PDP2: variants seen among roughly 807,000 people sequenced by gnomAD.
The protein encoded by PDP2 is pyruvate dehydrogenase phosphatase catalytic subunit 2.
PDP2 carries 23 observed loss-of-function variants against 34.2 expected under a neutral mutation model. The observed-to-expected ratio is 0.67, with a 90% CI of 0.48 to 0.95. The LOEUF is 0.95. Among genes scored for constraint, PDP2 ranks in the 40% least tolerant of loss-of-function variants. PDP2 has a pLI of 0.00. For missense variants in PDP2, 571 were observed against 659.6 expected, an observed-to-expected ratio of 0.87 and a Z score of 1.47; for synonymous variants, 275 against 269.2, an observed-to-expected ratio of 1.02 and a Z score of -0.21.
rs551674140 is a variant in PDP2, at chr16:66,888,062, C to T, written c.*2188C>T. On this transcript the variant is annotated 3_prime_UTR_variant, in exon 2 of 2. Transcript: ENST00000311765. ...CCTTCCTTCCTTCCTTCCTTCCTCT[C>T]TCTCTCTTTCTTTCTTTCTTTCCTT... The T allele has an allele frequency of 6.3e-5, 8 of 126,118 alleles. No individual in the cohort carries two copies. The highest frequency in any genetic ancestry group is 3.5e-4 in the Admixed American group (4 of 11,396). 7.8% of individuals were successfully genotyped at this position (126,118 alleles called of 1,614,324 possible).
Position 66,885,685 on chromosome 16 carries a change from C to G in PDP2, c.1401C>G (p.Asp467Glu). The G allele has an allele frequency of 6.2e-7, 1 of 1,614,052 alleles. No homozygotes were observed. Among genetic ancestry groups the G allele is most frequent in the Non-Finnish European group, 8.5e-7 (1 of 1,180,002 alleles). ...QRKASGLHEA[D>E]QNAATRLIRH... ...AAGCCAGCGGGCTCCACGAGGCTGA[C>G]CAAAATGCAGCCACGCGGCTGATCA... is the stretch of plus-strand genomic sequence containing the variant. Residue 467 changes from aspartate to glutamate, a missense_variant, in exon 2 of 2, where the codon GAC becomes GAG. By Grantham distance (45) the Asp-to-Glu change is conservative. Transcript: ENST00000311765. This position sits in a 1 kb window ranked among gnomAD's most constrained non-coding sequence, Gnocchi z 4.6.
chr16:66,885,538 G>A lies in PDP2; in HGVS notation c.1254G>A (p.Leu418=), dbSNP rs1961721328. Residue 418 remains leucine, a synonymous_variant, in exon 2 of 2, where the codon CTG becomes CTA. Transcript: ENST00000311765. This position sits in a 1 kb window ranked among gnomAD's most constrained non-coding sequence, Gnocchi z 4.6. The part of the protein sequence containing the change: ...VLASDGLWDM[L]SNEDVVRLVV... ...CCTCAGATGGCCTGTGGGACATGCT[G>A]AGCAATGAGGACGTGGTAAGGCTGG... is the stretch of plus-strand genomic sequence containing the variant. 6.2e-7 allele frequency: 1 copy of A among 1,614,108 alleles called. No individual in the cohort carries two copies. Among genetic ancestry groups the A allele is most frequent in the African/African-American group, 1.3e-5 (1 of 75,032 alleles).
rs770320220 is a variant in PDP2, at chr16:66,885,056, C to T, written c.772C>T (p.Leu258=). 34 of 1,613,832 alleles carry T rather than the reference C, an allele frequency of 2.1e-5. No homozygotes were observed. The highest frequency in any genetic ancestry group is 2.8e-5 in the Non-Finnish European group (33 of 1,180,028). ...CCTGGAAGATGAGGTGACAAGGAACCTGTCACTCCAGGTTGCTTTCTCTGG... is the reference window on the plus strand; with the variant it reads ...CCTGGAAGATGAGGTGACAAGGAACTTGTCACTCCAGGTTGCTTTCTCTGG... ...APLEDEVTRN[L]SLQVAFSGAT... Residue 258 remains leucine (L), a synonymous_variant, in exon 2 of 2, where the codon CTG becomes TTG. Transcript: ENST00000311765. This position sits in a 1 kb window ranked among gnomAD's most constrained non-coding sequence, Gnocchi z 4.6.
chr16:66,886,229 T>G lies in PDP2; in HGVS notation c.*355T>G. Reference sequence around the variant, plus strand: ...ATCATGATTCTGAGAATAAAGAACTTCAGGAGCTTCTTAGGTCTTGCCACA... The same window carrying G: ...ATCATGATTCTGAGAATAAAGAACTGCAGGAGCTTCTTAGGTCTTGCCACA... On this transcript the variant is annotated 3_prime_UTR_variant, in exon 2 of 2. Transcript: ENST00000311765. 1 of 264,296 alleles carries G rather than the reference T, an allele frequency of 3.8e-6. No homozygotes were observed. Among genetic ancestry groups the G allele is most frequent in the Non-Finnish European group, 8.0e-6 (1 of 125,186 alleles). 16.4% of individuals were successfully genotyped at this position (264,296 alleles called of 1,614,324 possible).
chr16:66,881,032 T>G (rs1961492059), intron 1 of PDP2, among the ~76,000 whole-genome samples: 1 of 152,210 alleles, frequency 6.6e-6, no homozygotes, highest in Non-Finnish European at 1.5e-5. Flanking sequence ...GGCACCCAGC[T>G]GGGGTACGGC....
chr16:66,884,103 G>C (rs2145413443), intron 1 of PDP2, 128 bp from the exon 2 acceptor site: 1 of 471,264 alleles, frequency 2.1e-6, no homozygotes, highest in East Asian at 3.9e-5. Context: ...GAACCTGGGA[G>C]GCGGAGCTTG....
In PDP2 at chr16:66,886,012, A is replaced by C; in HGVS notation, c.*138A>C. ...GCTAAATAGACTAACAGGAGGAAAA[A>C]AACAAACAGCCTAGCTTTAAAAAAC... On this transcript the variant is annotated 3_prime_UTR_variant, in exon 2 of 2. Transcript: ENST00000311765. The C allele has an allele frequency of 1.3e-5, 11 of 824,248 alleles. No homozygotes were observed. Among genetic ancestry groups the C allele is most frequent in the Non-Finnish European group, 2.1e-5 (11 of 518,142 alleles). 51.1% of individuals were successfully genotyped at this position (824,248 alleles called of 1,614,324 possible). A position where few individuals can be genotyped will look rare whatever the true frequency, so the allele number is the denominator to read the frequency against.
rs1358622520 is a variant in PDP2 at position 66,889,340 on chromosome 16, G to T, written c.*3466G>T. 1 of 151,958 alleles carries T rather than the reference G, an allele frequency of 6.6e-6. No homozygotes were observed. Among genetic ancestry groups the T allele is most frequent in the Non-Finnish European group, 1.5e-5 (1 of 67,998 alleles). 9.4% of individuals were successfully genotyped at this position (151,958 alleles called of 1,614,324 possible). ...TTTTTTGAGACAGTCTCACTCAGTC[G>T]CCCAGGCTGAAGTGCAGTGACACAG... On this transcript the variant is annotated 3_prime_UTR_variant, in exon 2 of 2. Transcript: ENST00000311765.
chr16:66,886,427 T>A lies in PDP2; in HGVS notation c.*553T>A, dbSNP rs531026993. 3.6e-5 allele frequency: 14 copies of A among 391,648 alleles called. No homozygotes were observed. Among genetic ancestry groups the A allele is most frequent in the Non-Finnish European group, 6.1e-5 (11 of 180,654 alleles). 24.3% of individuals were successfully genotyped at this position (391,648 alleles called of 1,614,324 possible). A position where few individuals can be genotyped will look rare whatever the true frequency, so the allele number is the denominator to read the frequency against. ...TAACTTTTTTTTTTGTGATTATGCT[T>A]GTGAGAAATTTTGTAATACTACATT... On this transcript the variant is annotated 3_prime_UTR_variant, in exon 2 of 2. Transcript: ENST00000311765.
Position 66,884,867 on chromosome 16 carries a change from G to C in PDP2, c.583G>C (p.Asp195His). ...PILHWLKHPG[D>H]SIYKDVTSVH... The stretch of plus-strand genomic sequence containing the variant: ...CCTGCATTGGCTCAAGCACCCAGGG[G>C]ACAGTATCTACAAGGATGTCACATC... Residue 195 changes from aspartate (D) to histidine (H), a missense_variant, in exon 2 of 2, where the codon GAC becomes CAC. Asp to His is a moderately conservative substitution (Grantham distance 81, BLOSUM62 -1). Coordinates refer to ENST00000311765, the MANE Select transcript of PDP2 (RefSeq NM_020786.4). 1 of 1,614,066 alleles carries C rather than the reference G, an allele frequency of 6.2e-7. No homozygotes were observed. The highest frequency in any genetic ancestry group is 8.5e-7 in the Non-Finnish European group (1 of 1,179,980).
chr16:66,884,190 A>AAG, intron 1 of PDP2, 41 bp from the exon 2 acceptor site: 1 of 1,238,830 alleles, frequency 8.1e-7, no homozygotes, highest in South Asian at 1.6e-5. Context: ...AAAAAAAAAA[A>AAG]AAAGAAATTA....
rs758366996 is a variant in PDP2 at position 66,885,889 on chromosome 16, A to G, written c.*15A>G. On this transcript the variant is annotated 3_prime_UTR_variant, in exon 2 of 2. Transcript: ENST00000311765. The surrounding 1 kb of genome is among the most constrained non-coding windows in gnomAD (Gnocchi z 4.6). ...AGGGGGGTTAAGAATCTCCCATCCT[A>G]TTGTCAAGGTTAACATAAATGCTCT... 1.9e-6 allele frequency: 3 copies of G among 1,579,976 alleles called. No homozygotes were observed. Among genetic ancestry groups the G allele is most frequent in the African/African-American group, 1.3e-5 (1 of 74,478 alleles).
Position 66,888,118 on chromosome 16 carries a change from A to G in PDP2, c.*2244A>G, listed in dbSNP as rs1043418932. The G allele has an allele frequency of 6.9e-6, 1 of 145,638 alleles. No homozygotes were observed. The highest frequency in any genetic ancestry group is 2.5e-5 in the African/African-American group (1 of 39,320). 9.0% of individuals were successfully genotyped at this position (145,638 alleles called of 1,614,324 possible). A position where few individuals can be genotyped will look rare whatever the true frequency, so the allele number is the denominator to read the frequency against. On this transcript the variant is annotated 3_prime_UTR_variant, in exon 2 of 2. Coordinates refer to ENST00000311765, the MANE Select transcript of PDP2 (RefSeq NM_020786.4). ...CAGGGTCTCCCTGTAGCCAGGCTGG[A>G]GTGCAATGGCATGATCTTGGCTCAC...
In PDP2 at chr16:66,884,730, C is replaced by T; in HGVS notation, c.446C>T (p.Ala149Val). 2 of 1,614,166 alleles carry T rather than the reference C, an allele frequency of 1.2e-6. No homozygotes were observed. The highest frequency in any genetic ancestry group is 1.7e-5 in the Admixed American group (1 of 60,026). ...GATGGACATGGTGGTCATGCATGTG[C>T]CCAAGCAGTGAGCGAGAGGCTCTTC... Reference protein sequence around the residue: ...IFDGHGGHACAQAVSERLFYY... With the variant: ...IFDGHGGHACVQAVSERLFYY... Residue 149 changes from alanine to valine, a missense_variant, in exon 2 of 2, where the codon GCC (alanine) becomes GTC (valine). Around this residue, in one of 2 missense-constraint regions of PDP2, gnomAD observed 290 missense variants for 283.8 expected, o/e 1.02. Coordinates refer to ENST00000311765, the MANE Select transcript of PDP2 (RefSeq NM_020786.4).
rs1961919056 is a variant in PDP2 at position 66,889,476 on chromosome 16, T to G, written c.*3602T>G. ...CACCACACACCGCTAATTTTTTGTA[T>G]TTTTAGTAGAGACAGAGTTTCACCA... On this transcript the variant is annotated 3_prime_UTR_variant, in exon 2 of 2. Coordinates refer to ENST00000311765, the MANE Select transcript of PDP2 (RefSeq NM_020786.4). 1 of 152,034 alleles carries G rather than the reference T, an allele frequency of 6.6e-6. No individual in the cohort carries two copies. The highest frequency in any genetic ancestry group is 2.1e-4 in the South Asian group (1 of 4,826). 9.4% of individuals were successfully genotyped at this position (152,034 alleles called of 1,614,324 possible).
intron 1 of PDP2, among the ~76,000 whole-genome samples, 172 bp from the exon 2 acceptor site, chr16:66,884,059 A>G (rs909488416): frequency 9.2e-5 from 14 of 151,598 alleles, no homozygotes; most frequent in Non-Finnish European, 1.9e-4. Context: ...CTGTAGTCCC[A>G]GCTACTCCAG....
In PDP2 at chr16:66,884,263, C is replaced by A; in HGVS notation, c.-22C>A. On this transcript the variant is annotated 5_prime_UTR_variant, in exon 2 of 2. Coordinates refer to ENST00000311765, the MANE Select transcript of PDP2 (RefSeq NM_020786.4). ...AATATCCTTTTTTGCTGAAGGAACACATTTGCTGGTATAGTTTCAGAATGT... is the reference window on the plus strand; with the variant it reads ...AATATCCTTTTTTGCTGAAGGAACAAATTTGCTGGTATAGTTTCAGAATGT... The A allele has an allele frequency of 2.7e-6, 4 of 1,505,382 alleles. No homozygotes were observed. Among genetic ancestry groups the A allele is most frequent in the East Asian group, 2.3e-5 (1 of 43,142 alleles). 93.3% of individuals were successfully genotyped at this position (1,505,382 alleles called of 1,614,324 possible).
chr16:66,883,640 G>A (rs1034361395), intron 1 of PDP2, among the ~76,000 whole-genome samples: 4 of 150,752 alleles, frequency 2.7e-5, no homozygotes, highest in African/African-American at 9.8e-5. Context: ...GAGAGACAGG[G>A]TTTCACCATG....
Position 66,890,594 on chromosome 16 carries a change from T to A in PDP2, c.*4720T>A, listed in dbSNP as rs965869784. ...TTAATTATACAGAACAAAACAAAGATGTGTTTAGAGTGACTCTGGCCTGAC... is the reference window on the plus strand; with the variant it reads ...TTAATTATACAGAACAAAACAAAGAAGTGTTTAGAGTGACTCTGGCCTGAC... On this transcript the variant is annotated 3_prime_UTR_variant, in exon 2 of 2. Transcript: ENST00000311765. 4 of 152,192 alleles carry A rather than the reference T, an allele frequency of 2.6e-5. No homozygotes were observed. The highest frequency in any genetic ancestry group is 5.9e-5 in the Non-Finnish European group (4 of 68,038). 9.4% of individuals were successfully genotyped at this position (152,192 alleles called of 1,614,324 possible).
Sources: gnomAD v4.1 joint callset for allele counts (sites outside exome capture counted in the v4.1 genomes callset) on GRCh38, gnomAD v4.1.1 for gene constraint, gnomAD v4.1.1 regional missense constraint, Gnocchi (gnomAD v3.1) non-coding constraint, MANE v1.5 for transcripts, NCBI Gene and HGNC (gene_info 2026-07-23, HGNC 2026-07-21) for gene names.